Variants in GCN1 observed in about 807,000 individuals in gnomAD.
The protein encoded by GCN1 is stalled ribosome sensor GCN1.
In GCN1, 90 loss-of-function variants were observed where a neutral mutation model predicts 288.4. The ratio of observed to expected loss-of-function variants is 0.31; its 90% CI spans 0.26 to 0.37. GCN1 has a LOEUF of 0.37. GCN1 is among the 10% of genes least tolerant of loss of function. The pLI is 1.00. For synonymous variants in GCN1, 1,386 were observed against 1,420.2 expected (o/e 0.98, Z 0.54); for missense variants, 2,586 against 3,419.9 (o/e 0.76, Z 6.08).
chr12:120,163,430 T>C (rs1157267591), intron 18 of GCN1, among the ~76,000 whole-genome samples, 171 bp from the exon 19 acceptor site: 1 of 152,208 alleles, frequency 6.6e-6, no homozygotes, highest in Non-Finnish European at 1.5e-5. Flanking sequence ...GGCTGTGAGA[T>C]GTGCCTGGAA....
In GCN1 at chr12:120,137,341, C is replaced by T. The variant is rs559739531; in HGVS notation, c.6664-22G>A. The T allele has an allele frequency of 1.3e-5, 20 of 1,588,082 alleles. No homozygotes were observed. The East Asian group carries it at 2.0e-4, about 16-fold the overall frequency. ...GCTTCTGCAGGAATCCAGGAAAAAG[C>T]GAGAGGATGTACAGCCCTCTCAAGA... On this transcript the variant is annotated intron_variant, in intron 49 of 57. Coordinates refer to ENST00000300648, the MANE Select transcript of GCN1 (RefSeq NM_006836.2). The surrounding 1 kb of genome is among the most constrained non-coding windows in gnomAD (Gnocchi z 5.2).
At position 120,129,156 on chromosome 12, in the gene GCN1, T is replaced by C. The variant is rs566164802; in HGVS notation, c.7890+120A>G. The C allele has an allele frequency of 1.3e-4, 107 of 848,384 alleles. 1 individual carries two copies. In the South Asian group the frequency reaches 1.5e-3, roughly 12 times the overall value. The allele number at this position is 848,384 out of a possible 1,614,324, so 52.6% of individuals were successfully genotyped here. A position where few individuals can be genotyped will look rare whatever the true frequency, so the allele number is the denominator to read the frequency against. On this transcript the variant is annotated intron_variant, in intron 57 of 57. Transcript: ENST00000300648. ...AGTCACCCAAATCTTAATCTGCTCC[T>C]GAAAGCTAGCACATCCGTGGTGGCA...
In GCN1 at chr12:120,156,011, T is replaced by A. The variant is rs1446034310; in HGVS notation, c.3313-292A>T. Among the ~76,000 whole-genome samples the A allele has an allele frequency of 2.6e-5, 4 of 152,376 alleles. No individual in the cohort carries two copies. The East Asian group carries it at 7.7e-4, about 29-fold the overall frequency. On this transcript the variant is annotated intron_variant, in intron 28 of 57. Coordinates refer to ENST00000300648, the MANE Select transcript of GCN1 (RefSeq NM_006836.2). This position sits in a 1 kb window ranked among gnomAD's most constrained non-coding sequence, Gnocchi z 5.8. ...TAAGGAAAAATTTACTATATTGTCA[T>A]CATTTTCACATTTTACCAAAAGCCA...
chr12:120,161,594 A>G lies in GCN1; in HGVS notation c.2343-11T>C. On this transcript the variant is annotated splice_polypyrimidine_tract_variant and intron_variant, in intron 21 of 57. Coordinates refer to ENST00000300648, the MANE Select transcript of GCN1 (RefSeq NM_006836.2). The stretch of plus-strand genomic sequence containing the variant: ...CTGTCCTGCTGGGCACTGAAACACC[A>G]GAGTGGGTCATCAGCCAGCTTGAAA... The G allele has an allele frequency of 6.3e-7, 1 of 1,596,468 alleles. No homozygotes were observed. Among genetic ancestry groups the G allele is most frequent in the Non-Finnish European group, 8.6e-7 (1 of 1,164,140 alleles).
rs556472172 is a variant in GCN1 at position 120,161,625 on chromosome 12, C to T, written c.2343-42G>A. The T allele has an allele frequency of 2.2e-4, 316 of 1,441,882 alleles. 6 individuals are homozygous for T. In the South Asian group the frequency reaches 2.9e-3, roughly 13 times the overall value. 89.3% of individuals were successfully genotyped at this position (1,441,882 alleles called of 1,614,324 possible). A position where few individuals can be genotyped will look rare whatever the true frequency, so the allele number is the denominator to read the frequency against. On this transcript the variant is annotated intron_variant, in intron 21 of 57. Coordinates refer to ENST00000300648, the MANE Select transcript of GCN1 (RefSeq NM_006836.2). ...GGTCATCAGCCAGCTTGAAAAGCAC[C>T]GCAAGTCCTGTCAGCCTCCCGCCAG...
chr12:120,179,202 G>A lies in GCN1; in HGVS notation c.427-252C>T, dbSNP rs963785644. Among the ~76,000 whole-genome samples the A allele has an allele frequency of 2.0e-5, 3 of 152,002 alleles. No homozygotes were observed. The South Asian group carries it at 6.2e-4, about 32-fold the overall frequency. On this transcript the variant is annotated intron_variant, in intron 5 of 57. Transcript: ENST00000300648. ...GATCACCTATTATGAATCAGACAAT[G>A]AAGGCACAAGGGGAGGAAGACAGAC...
At position 120,127,695 on chromosome 12, in the gene GCN1, G is replaced by T. The variant is rs142610926; in HGVS notation, c.*154C>A. On this transcript the variant is annotated 3_prime_UTR_variant, in exon 58 of 58. Transcript: ENST00000300648. ...AGGAGGCAATTTTCAGTTGTGTGTGGGTTTGATTTAAGGCTTTGGCTGTGG... is the reference window on the plus strand; with the variant it reads ...AGGAGGCAATTTTCAGTTGTGTGTGTGTTTGATTTAAGGCTTTGGCTGTGG... 876 of 835,598 alleles carry T rather than the reference G, an allele frequency of 1.0e-3. 4 individuals carry two copies. The African/African-American group carries it at 0.013, about 12-fold the overall frequency. 51.8% of individuals were successfully genotyped at this position (835,598 alleles called of 1,614,324 possible).
rs538718953 is a variant in GCN1 at position 120,159,744 on chromosome 12, ACAAGCACTCAGGGGCACACCCTGTC to A, written c.2749+56_2749+80del. The A allele has an allele frequency of 2.2e-4, 279 of 1,245,252 alleles. 4 individuals carry two copies. The highest frequency in any genetic ancestry group is 1.7e-3 in the South Asian group (145 of 83,086). The allele number at this position is 1,245,252 out of a possible 1,614,324, so 77.1% of individuals were successfully genotyped here. On this transcript the variant is annotated intron_variant, in intron 24 of 57. Transcript: ENST00000300648. The stretch of plus-strand genomic sequence containing the variant: ...AGCTGAGGTCACCACCCACCTCCCC[ACAAGCACTCAGGGGCACACCCTGTC>A]CAAGCACTCAGGGGCACCCCTGGGC...
intron 5 of GCN1, 23 bp downstream of exon 5, chr12:120,183,546 C>T (rs375099100): frequency 2.9e-5 from 41 of 1,411,986 alleles, no homozygotes; most frequent in Non-Finnish European, 3.8e-5. Context: ...ACCCTTGCTA[C>T]TTCAGAGACA....
rs1217464155 is a variant in GCN1 at position 120,174,161 on chromosome 12, T to C, written c.1102A>G (p.Ser368Gly). The C allele has an allele frequency of 1.9e-6, 3 of 1,582,628 alleles. No homozygotes were observed. Among genetic ancestry groups the C allele is most frequent in the Non-Finnish European group, 2.6e-6 (3 of 1,151,324 alleles). ...CCAGACACCACGTGATGACTGACGC[T>C]CCCAATCCCTAAAAGGCAGATTCCC... ...QKMSVLSGIG[S>G]VSHHVVSGPS... Residue 368 changes from serine (S) to glycine (G), a missense_variant, in exon 13 of 58, where the codon AGC (serine) becomes GGC (glycine). By Grantham distance (56) the Ser-to-Gly change is moderately conservative (BLOSUM62 0). Coordinates refer to ENST00000300648, the MANE Select transcript of GCN1 (RefSeq NM_006836.2).
chr12:120,143,977 G>T lies in GCN1; in HGVS notation c.5495+329C>A, dbSNP rs563444817. Among the ~76,000 whole-genome samples the T allele has an allele frequency of 1.1e-4, 16 of 152,226 alleles. No individual in the cohort carries two copies. In the South Asian group the frequency reaches 3.3e-3, roughly 32 times the overall value. On this transcript the variant is annotated intron_variant, in intron 42 of 57. Transcript: ENST00000300648. ...TCAAAATGCAAAGTTCAACCCTTTG[G>T]ATCTTTTTTTTTCTCCTAAGACAGC...
Position 120,149,911 on chromosome 12 carries a change from C to T in GCN1, c.4431+11G>A, listed in dbSNP as rs550584453. 3.8e-5 allele frequency: 62 copies of T among 1,613,976 alleles called. No homozygotes were observed. The highest frequency in any genetic ancestry group is 1.0e-4 in the Admixed American group (6 of 60,000). On this transcript the variant is annotated intron_variant, in intron 35 of 57. Transcript: ENST00000300648. ...TTCCATGCTGTTCTCCCGAGCAGTCCGGGGACTTACCTCACGCACATACTG... is the reference window on the plus strand; with the variant it reads ...TTCCATGCTGTTCTCCCGAGCAGTCTGGGGACTTACCTCACGCACATACTG...
At position 120,174,126 on chromosome 12, in the gene GCN1, A is replaced by C; in HGVS notation, c.1137T>G (p.Ser379Arg). 2 of 1,607,724 alleles carry C rather than the reference A, an allele frequency of 1.2e-6. No homozygotes were observed. The highest frequency in any genetic ancestry group is 2.2e-5 in the South Asian group (2 of 90,972). ...VSHHVVSGPSSQVLNGIVAEL... is the reference protein window; with the variant it reads ...VSHHVVSGPSRQVLNGIVAEL... The stretch of plus-strand genomic sequence containing the variant: ...CAGCCACGATCCCATTCAGGACCTG[A>C]CTGGAAGGTCCAGACACCACGTGAT... The change falls in exon 13 of 58, where the codon AGT becomes AGG. Residue 379 changes from serine (S) to arginine (R), a missense_variant. Ser to Arg is a moderately radical substitution (Grantham distance 110). Around this residue, in one of 8 missense-constraint regions of GCN1, gnomAD observed 913 missense variants for 1,107.0 expected, o/e 0.82. Transcript: ENST00000300648.
In GCN1 at chr12:120,148,262, G is replaced by A. The variant is rs757666642; in HGVS notation, c.4631C>T (p.Thr1544Met). The A allele has an allele frequency of 5.1e-5, 82 of 1,613,824 alleles. No individual in the cohort carries two copies. The highest frequency in any genetic ancestry group is 1.1e-4 in the East Asian group (5 of 44,902). The change falls in exon 37 of 58, where the codon ACG becomes ATG. Residue 1544 changes from threonine (T) to methionine (M), a missense_variant. Thr to Met is a moderately conservative substitution (Grantham distance 81). Around this residue, in one of 8 missense-constraint regions of GCN1, gnomAD observed 371 missense variants for 572.6 expected, o/e 0.65. Transcript: ENST00000300648. ...GACATGGGAGTCGGTCAGCACCTCC[G>A]TAAGCTTGGGCACAATGTTGGGTAG... ...SCLPNIVPKL[T>M]EVLTDSHVKV...
rs540138175 is a variant in GCN1 at position 120,137,542 on chromosome 12, C to T, written c.6663+3G>A. The T allele has an allele frequency of 5.1e-5, 83 of 1,613,046 alleles. 2 individuals are homozygous for T. In the South Asian group the frequency reaches 8.7e-4, roughly 17 times the overall value. The stretch of plus-strand genomic sequence containing the variant: ...TTGGCTGTGGGGTCAGCAGTCCCCT[C>T]ACCTTAGTGATGGCATTTAGGGCAT... On this transcript the variant is annotated splice_donor_region_variant and intron_variant, in intron 49 of 57. Coordinates refer to ENST00000300648, the MANE Select transcript of GCN1 (RefSeq NM_006836.2). This position sits in a 1 kb window ranked among gnomAD's most constrained non-coding sequence, Gnocchi z 5.2.
chr12:120,142,979 A>C lies in GCN1; in HGVS notation c.5496-38T>G. 1 of 1,277,556 alleles carries C rather than the reference A, an allele frequency of 7.8e-7. No homozygotes were observed. Among genetic ancestry groups the C allele is most frequent in the Non-Finnish European group, 1.1e-6 (1 of 873,052 alleles). The allele number at this position is 1,277,556 out of a possible 1,614,324, so 79.1% of individuals were successfully genotyped here. On this transcript the variant is annotated intron_variant, in intron 42 of 57. Coordinates refer to ENST00000300648, the MANE Select transcript of GCN1 (RefSeq NM_006836.2). This position sits in a 1 kb window ranked among gnomAD's most constrained non-coding sequence, Gnocchi z 4.9. Reference sequence around the variant, plus strand: ...CCAACAACACAGTCACACAGCTGCAAGGAGTGGGCTCGGCACAACTGAGCA... The same window carrying C: ...CCAACAACACAGTCACACAGCTGCACGGAGTGGGCTCGGCACAACTGAGCA...
At position 120,160,198 on chromosome 12, in the gene GCN1, C is replaced by G. The variant is rs1378280595; in HGVS notation, c.2494G>C (p.Glu832Gln). 1 of 1,612,434 alleles carries G rather than the reference C, an allele frequency of 6.2e-7. No homozygotes were observed. Among genetic ancestry groups the G allele is most frequent in the South Asian group, 1.1e-5 (1 of 91,080 alleles). The change falls in exon 23 of 58, where the codon GAG becomes CAG. Residue 832 changes from glutamate (E) to glutamine (Q), a missense_variant. Around this residue, in one of 8 missense-constraint regions of GCN1, gnomAD observed 913 missense variants for 1,107.0 expected, o/e 0.82. Transcript: ENST00000300648. ...CTGTCTAGCTGGGCCTGCAGCATCT[C>G]CTTCTGCTTGCTGGTCAGCTGCACC... ...EEVQLTSKQKEMLQAQLDREA... is the reference protein window; with the variant it reads ...EEVQLTSKQKQMLQAQLDREA...
In GCN1 at chr12:120,177,976, G is replaced by C. The variant is rs117180947; in HGVS notation, c.661-224C>G. ...CCAAAGTCCTTCGTATGGCTTATAAGGTCCTGCCCACCACTCAGCTGGCTG... is the reference window on the plus strand; with the variant it reads ...CCAAAGTCCTTCGTATGGCTTATAACGTCCTGCCCACCACTCAGCTGGCTG... On this transcript the variant is annotated intron_variant, in intron 7 of 57. Coordinates refer to ENST00000300648, the MANE Select transcript of GCN1 (RefSeq NM_006836.2). Among the ~76,000 whole-genome samples the C allele has an allele frequency of 4.5e-3, 691 of 152,186 alleles. 1 individual carries two copies. The highest frequency in any genetic ancestry group is 6.7e-3 in the Non-Finnish European group (453 of 67,998).
In GCN1 at chr12:120,153,980, G is replaced by T; in HGVS notation, c.3702-71C>A. 2 of 1,361,514 alleles carry T rather than the reference G, an allele frequency of 1.5e-6. No homozygotes were observed. The highest frequency in any genetic ancestry group is 2.0e-6 in the Non-Finnish European group (2 of 978,838). 84.3% of individuals were successfully genotyped at this position (1,361,514 alleles called of 1,614,324 possible). A position where few individuals can be genotyped will look rare whatever the true frequency, so the allele number is the denominator to read the frequency against. ...TCCTCTGCCAGTGGAACCTCTGCTG[G>T]TGCACGGCAAGGAGAGGGAGCTTGC... On this transcript the variant is annotated intron_variant, in intron 31 of 57. Coordinates refer to ENST00000300648, the MANE Select transcript of GCN1 (RefSeq NM_006836.2). The surrounding 1 kb of genome is among the most constrained non-coding windows in gnomAD (Gnocchi z 4.4).
Sources: allele counts gnomAD v4.1 joint callset (sites outside exome capture counted in the v4.1 genomes callset), GRCh38; gene constraint gnomAD v4.1.1; regional missense constraint gnomAD v4.1.1; non-coding constraint Gnocchi (gnomAD v3.1); transcripts MANE v1.5; gene names NCBI Gene and HGNC (gene_info 2026-07-23, HGNC 2026-07-21).